SNIP1: variants seen among roughly 807,000 people sequenced by gnomAD.
SNIP1 encodes smad nuclear-interacting protein 1.
SNIP1 carries 23 observed loss-of-function variants against 37.4 expected under a neutral mutation model. That is an observed-to-expected ratio of 0.61 (90% CI 0.44 to 0.87). The LOEUF is 0.87. Ranked by LOEUF, SNIP1 falls within the 40% of genes least tolerant of loss-of-function variation. The pLI is 0.00. For synonymous variants in SNIP1, 174 were observed against 200.0 expected, an observed-to-expected ratio of 0.87 and a Z score of 1.10; for missense variants, 459 against 540.4, an observed-to-expected ratio of 0.85 and a Z score of 1.49.
At chr1:37,546,253 CAA>C (rs778269903) in intron 2 of SNIP1, among the ~76,000 whole-genome samples, 91 of 150,966 alleles carry the variant, frequency 6.0e-4, no homozygotes, top group Admixed American at 1.5e-3. Context: ...AGACATGCAT[CAA>C]GAGAGAGCCT....
At position 37,535,196 on chromosome 1, in the gene SNIP1, C is replaced by T. The variant is rs1020853056; in HGVS notation, c.*2552G>A. On this transcript the variant is annotated 3_prime_UTR_variant, in exon 4 of 4. Transcript: ENST00000296215. Reference sequence around the variant, plus strand: ...ACCAGCCTGGCCAATATGGTGAAACCCCATCTCTACTAAAAAAAAATAAAA... The same window carrying T: ...ACCAGCCTGGCCAATATGGTGAAACTCCATCTCTACTAAAAAAAAATAAAA... 1.0e-5 allele frequency: 1 copy of T among 98,292 alleles called. No homozygotes were observed. The highest frequency in any genetic ancestry group is 2.0e-5 in the Non-Finnish European group (1 of 50,186). 6.1% of individuals were successfully genotyped at this position (98,292 alleles called of 1,614,324 possible). A position where few individuals can be genotyped will look rare whatever the true frequency, so the allele number is the denominator to read the frequency against.
rs1289968177 is a variant in SNIP1, at chr1:37,536,175, ACTT to A, written c.*1570_*1572del. ...TGTTCACTTTTCAAAGGATCTTTTA[ACTT>A]CTTCTGAATGAACATTAGTCAGCTG... On this transcript the variant is annotated 3_prime_UTR_variant, in exon 4 of 4. Coordinates refer to ENST00000296215, the MANE Select transcript of SNIP1 (RefSeq NM_024700.4). The A allele has an allele frequency of 3.3e-5, 5 of 152,212 alleles. No homozygotes were observed. Among genetic ancestry groups the A allele is most frequent in the African/African-American group, 4.8e-5 (2 of 41,444 alleles). The allele number at this position is 152,212 out of a possible 1,614,324, so 9.4% of individuals were successfully genotyped here.
At chr1:37,551,074 GACACACACACACACAC>G (rs55724495) in intron 2 of SNIP1, among the ~76,000 whole-genome samples, 3 of 143,920 alleles carry the variant, frequency 2.1e-5, no homozygotes, top group Admixed American at 1.4e-4. Context: ...CAGCCTGGGT[GACACACACACACACAC>G]ACACACACAC....
chr1:37,549,417 G>A (rs1317863635), intron 2 of SNIP1, among the ~76,000 whole-genome samples: 2 of 152,056 alleles, frequency 1.3e-5, no homozygotes, highest in Non-Finnish European at 2.9e-5. Flanking sequence ...ATCCTAGCAA[G>A]ACTTTTCTTT....
chr1:37,537,724 TC>T lies in SNIP1; in HGVS notation c.*23del. The T allele has an allele frequency of 6.2e-7, 1 of 1,602,650 alleles. No homozygotes were observed. Among genetic ancestry groups the T allele is most frequent in the Non-Finnish European group, 8.5e-7 (1 of 1,174,134 alleles). ...AGACTTCCAAGAAGGAAACCGTGTATCAATAGTTTGGGTTCTTAGTTTGCTA... is the reference window on the plus strand; with the variant it reads ...AGACTTCCAAGAAGGAAACCGTGTATAATAGTTTGGGTTCTTAGTTTGCTA... On this transcript the variant is annotated 3_prime_UTR_variant, in exon 4 of 4. Transcript: ENST00000296215.
intron 2 of SNIP1, among the ~76,000 whole-genome samples, chr1:37,544,537 A>G (rs1259974888): frequency 1.3e-5 from 2 of 152,032 alleles, no homozygotes; most frequent in South Asian, 2.1e-4. Flanking sequence ...GTTGTTGTGT[A>G]TTCTTGTTTC....
intron 2 of SNIP1, chr1:37,544,915 T>A (rs1643215035): frequency 4.8e-6 from 5 of 1,032,146 alleles, no homozygotes; most frequent in African/African-American, 4.7e-5. Flanking sequence ...CCAAATACTT[T>A]CTTCACCAAT....
intron 1 of SNIP1, among the ~76,000 whole-genome samples, chr1:37,553,406 TTTTG>T (rs1486708869): frequency 5.9e-5 from 9 of 152,210 alleles, no homozygotes; most frequent in African/African-American, 9.7e-5. Flanking sequence ...ACTGAAACTA[TTTTG>T]TTTATTTTTT....
At chr1:37,543,914 G>A (rs977030767) in intron 2 of SNIP1, among the ~76,000 whole-genome samples, 3 of 151,994 alleles carry the variant, frequency 2.0e-5, no homozygotes, top group Non-Finnish European at 4.4e-5. Flanking sequence ...GGCAAGGGGG[G>A]GGGCAGGTCA....
Position 37,540,774 on chromosome 1 carries a change from C to T in SNIP1, c.328-19G>A. ...CACGCTCCTAAAATTCAAACAGATT[C>T]TGTAATTTAAACGCAGTGCACAATC... is the stretch of plus-strand genomic sequence containing the variant. On this transcript the variant is annotated intron_variant, in intron 2 of 3. Transcript: ENST00000296215. The surrounding 1 kb of genome is among the most constrained non-coding windows in gnomAD (Gnocchi z 5.6). 6.4e-7 allele frequency: 1 copy of T among 1,564,634 alleles called. No individual in the cohort carries two copies. The highest frequency in any genetic ancestry group is 8.7e-7 in the Non-Finnish European group (1 of 1,154,982).
chr1:37,544,655 T>C (rs893729470), intron 2 of SNIP1: 11 of 508,460 alleles, frequency 2.2e-5, no homozygotes, highest in Non-Finnish European at 4.0e-5. Context: ...TGGCCGCCCA[T>C]AGCTAGCCCT....
At chr1:37,550,623 C>T (rs1643288906) in intron 2 of SNIP1, among the ~76,000 whole-genome samples, 1 of 152,070 alleles carries the variant, frequency 6.6e-6, no homozygotes, top group Non-Finnish European at 1.5e-5. Flanking sequence ...AGGAGAATCC[C>T]TTGAACCTGG....
rs1204589365 is a variant in SNIP1, at chr1:37,540,101, CCTAA to C, written c.926+52_926+55del. Reference sequence around the variant, plus strand: ...AAACATGAACAAAAATCTTAGTAATCCTAACTGAGTGATTGTTTCTGCTCACATT... The same window carrying C: ...AAACATGAACAAAAATCTTAGTAATCCTGAGTGATTGTTTCTGCTCACATT... On this transcript the variant is annotated intron_variant, in intron 3 of 3. Transcript: ENST00000296215. The surrounding 1 kb of genome is among the most constrained non-coding windows in gnomAD (Gnocchi z 5.6). The C allele has an allele frequency of 1.7e-4, 241 of 1,453,946 alleles. 2 individuals are homozygous for C. The highest frequency in any genetic ancestry group is 3.5e-4 in the South Asian group (26 of 73,850). The allele number at this position is 1,453,946 out of a possible 1,614,324, so 90.1% of individuals were successfully genotyped here.
intron 3 of SNIP1, among the ~76,000 whole-genome samples, chr1:37,539,092 A>G (rs1643135760): frequency 6.6e-6 from 1 of 152,194 alleles, no homozygotes; most frequent in Non-Finnish European, 1.5e-5. Context: ...ATCAAGCTGG[A>G]GGAAAACAAG....
In SNIP1 at chr1:37,537,632, G is replaced by A. The variant is rs1643114445; in HGVS notation, c.*116C>T. The A allele has an allele frequency of 1.3e-5, 14 of 1,079,330 alleles. No homozygotes were observed. In the East Asian group the frequency reaches 3.3e-4, roughly 26 times the overall value. The allele number at this position is 1,079,330 out of a possible 1,614,324, so 66.9% of individuals were successfully genotyped here. A position where few individuals can be genotyped will look rare whatever the true frequency, so the allele number is the denominator to read the frequency against. On this transcript the variant is annotated 3_prime_UTR_variant, in exon 4 of 4. Coordinates refer to ENST00000296215, the MANE Select transcript of SNIP1 (RefSeq NM_024700.4). The stretch of plus-strand genomic sequence containing the variant: ...AGCAACAGAGGAAAGACTTAAGGCA[G>A]TAAGAGGCATTACAGAGAGCACCAT...
intron 2 of SNIP1, among the ~76,000 whole-genome samples, chr1:37,542,512 G>A (rs1177579975): frequency 2.0e-5 from 3 of 151,370 alleles, no homozygotes; most frequent in African/African-American, 4.9e-5. Context: ...AGGCCAAGGC[G>A]ATGGATCGCT....
In SNIP1 at chr1:37,540,142, C is replaced by G. The variant is rs1643155496; in HGVS notation, c.926+15G>C. ...TTTCTGCTCACATTACAGTTTCTTC[C>G]TCCATGTTACTTACCGATATTGAAA... On this transcript the variant is annotated intron_variant, in intron 3 of 3. Coordinates refer to ENST00000296215, the MANE Select transcript of SNIP1 (RefSeq NM_024700.4). This position sits in a 1 kb window ranked among gnomAD's most constrained non-coding sequence, Gnocchi z 5.6. 6.4e-7 allele frequency: 1 copy of G among 1,553,408 alleles called. No homozygotes were observed. The highest frequency in any genetic ancestry group is 1.9e-5 in the Admixed American group (1 of 51,534).
chr1:37,542,070 T>C lies in SNIP1; in HGVS notation c.328-1315A>G, dbSNP rs140473535. ...AACTTTTCGTTTAAAGGAAGCACTT[T>C]ACAGCTTCTCTTTAGCATTCCTAAT... On this transcript the variant is annotated intron_variant, in intron 2 of 3. Coordinates refer to ENST00000296215, the MANE Select transcript of SNIP1 (RefSeq NM_024700.4). Among the ~76,000 whole-genome samples, 462 of 152,346 alleles carry C rather than the reference T, an allele frequency of 3.0e-3. 5 individuals are homozygous for C. Among genetic ancestry groups the C allele is most frequent in the African/African-American group, 8.1e-3 (338 of 41,572 alleles).
intron 2 of SNIP1, among the ~76,000 whole-genome samples, chr1:37,547,810 G>T (rs1040280550): frequency 1.8e-4 from 28 of 151,790 alleles, no homozygotes; most frequent in Non-Finnish European, 1.0e-4. Flanking sequence ...TAATCATTTG[G>T]TATCCTCAGG....
Sources: gnomAD v4.1 joint callset for allele counts (sites outside exome capture counted in the v4.1 genomes callset) on GRCh38, gnomAD v4.1.1 for gene constraint, Gnocchi (gnomAD v3.1) non-coding constraint, MANE v1.5 for transcripts, NCBI Gene and HGNC (gene_info 2026-07-23, HGNC 2026-07-21) for gene names.